The following CDKAL1 variants were observed in gnomAD, a reference collection of about 807,000 sequenced individuals.
CDKAL1 encodes the protein threonylcarbamoyladenosine tRNA methylthiotransferase.
In CDKAL1, 32 loss-of-function variants were observed where a neutral mutation model predicts 68.2. That is an observed-to-expected ratio of 0.47 (90% CI 0.35 to 0.63). The LOEUF (loss-of-function observed/expected upper bound fraction) is 0.63. Ranked by LOEUF, CDKAL1 falls within the 30% of genes least tolerant of loss-of-function variation. The probability of loss-of-function intolerance (pLI) is 0.00; values close to 1 mark genes in which losing one functional copy is unlikely to be tolerated. For missense variants in CDKAL1, 606 were observed against 696.7 expected (o/e 0.87, Z 1.47); for synonymous variants, 234 against 244.3 (o/e 0.96, Z 0.39).
chr6:20,996,345 T>C (rs1456152638), intron 10 of CDKAL1, among the ~76,000 whole-genome samples: 1 of 152,262 alleles, frequency 6.6e-6, no homozygotes, highest in Admixed American at 6.5e-5. Context: ...GCCTAGCTTT[T>C]AACGTGTCTC....
At chr6:20,606,451 A>G (rs923753304) in intron 4 of CDKAL1, among the ~76,000 whole-genome samples, 1 of 152,220 alleles carries the variant, frequency 6.6e-6, no homozygotes, top group African/African-American at 2.4e-5. Context: ...GTTTGTGTCC[A>G]TAGAGAAGCT....
rs11438527 is a variant in CDKAL1 at position 21,023,130 on chromosome 6, AT to A, written c.1055+22770del. Among the ~76,000 whole-genome samples the A allele has an allele frequency of 5.1e-4, 77 of 149,548 alleles. No individual in the cohort carries two copies. The East Asian group carries it at 8.2e-3, about 16-fold the overall frequency. Reference sequence around the variant, plus strand: ...GAAGATAAATGTTTCTCAATTGATAATTTTTTTTTTTTACCATTAGCCTTTG... The same window carrying A: ...GAAGATAAATGTTTCTCAATTGATAATTTTTTTTTTTACCATTAGCCTTTG... On this transcript the variant is annotated intron_variant, in intron 11 of 15. Coordinates refer to ENST00000274695, the MANE Select transcript of CDKAL1 (RefSeq NM_017774.3).
chr6:20,625,835 G>A (rs548139042), intron 4 of CDKAL1, among the ~76,000 whole-genome samples: 1 of 152,188 alleles, frequency 6.6e-6, no homozygotes, highest in South Asian at 2.1e-4. Flanking sequence ...GCCAGATTTT[G>A]TAAGATTGTA....
intron 4 of CDKAL1, among the ~76,000 whole-genome samples, chr6:20,584,980 A>T (rs190547657): frequency 6.7e-6 from 1 of 149,364 alleles, no homozygotes; most frequent in African/African-American, 2.5e-5. Flanking sequence ...TCTCTGTTGG[A>T]TCATTTTCCT....
chr6:21,029,859 G>A (rs567820348), intron 11 of CDKAL1, among the ~76,000 whole-genome samples: 2 of 152,204 alleles, frequency 1.3e-5, no homozygotes, highest in Non-Finnish European at 2.9e-5. Context: ...GGAGGAATAG[G>A]AATGCTTTTA....
intron 10 of CDKAL1, among the ~76,000 whole-genome samples, chr6:20,955,788 A>T (rs1311353311): frequency 6.6e-6 from 1 of 152,128 alleles, no homozygotes; most frequent in East Asian, 1.9e-4. Context: ...TCATTAATTA[A>T]CATTGCCCAA....
At chr6:21,156,875 G>T (rs1354779771) in intron 13 of CDKAL1, among the ~76,000 whole-genome samples, 2 of 152,196 alleles carry the variant, frequency 1.3e-5, no homozygotes, top group African/African-American at 2.4e-5. Flanking sequence ...GTATAAAGTA[G>T]GTAGGAAACA....
chr6:20,620,977 A>C (rs1448928505), intron 4 of CDKAL1, among the ~76,000 whole-genome samples: 1 of 152,082 alleles, frequency 6.6e-6, no homozygotes, highest in Non-Finnish European at 1.5e-5. Context: ...CATCCAGGAC[A>C]CCATATTACA....
At chr6:21,157,029 T>C (rs1284514657) in intron 13 of CDKAL1, among the ~76,000 whole-genome samples, 1 of 152,226 alleles carries the variant, frequency 6.6e-6, no homozygotes, top group Non-Finnish European at 1.5e-5. Flanking sequence ...ATATTCTTTG[T>C]TTCTACTGTG....
chr6:20,817,010 C>T (rs944089736), intron 8 of CDKAL1, among the ~76,000 whole-genome samples: 1 of 152,110 alleles, frequency 6.6e-6, no homozygotes, highest in African/African-American at 2.4e-5. Flanking sequence ...TCTTTGAGGA[C>T]ATTGTGTGTT....
intron 12 of CDKAL1, among the ~76,000 whole-genome samples, chr6:21,079,972 G>GTC (rs1198954577): frequency 2.1e-5 from 3 of 140,516 alleles, no homozygotes; most frequent in African/African-American, 8.0e-5. Context: ...TATCAACTTT[G>GTC]TCTCTGTGTG....
chr6:20,686,080 T>A (rs1187641074), intron 5 of CDKAL1, among the ~76,000 whole-genome samples: 2 of 100,390 alleles, frequency 2.0e-5, no homozygotes, highest in African/African-American at 8.7e-5. Context: ...TTATTTGTTT[T>A]AAGGTTTTTT....
intron 13 of CDKAL1, among the ~76,000 whole-genome samples, chr6:21,170,031 C>T (rs1777317689): frequency 1.3e-5 from 2 of 150,808 alleles, no homozygotes; most frequent in East Asian, 2.0e-4. Context: ...ACAGCCAAAC[C>T]GTATCAGTAG....
chr6:21,009,851 G>A (rs1320604700), intron 11 of CDKAL1, among the ~76,000 whole-genome samples: 1 of 152,204 alleles, frequency 6.6e-6, no homozygotes, highest in African/African-American at 2.4e-5. Flanking sequence ...AAGGGAGGTA[G>A]GTGGTGATGA....
At chr6:20,876,697 G>T (rs926370736) in intron 9 of CDKAL1, among the ~76,000 whole-genome samples, 1 of 152,146 alleles carries the variant, frequency 6.6e-6, no homozygotes, top group Non-Finnish European at 1.5e-5. Flanking sequence ...ACTTGTAACA[G>T]GCAGGCGTAG....
At position 20,853,211 on chromosome 6, in the gene CDKAL1, T is replaced by C. The variant is rs530294104; in HGVS notation, c.742+7033T>C. 3.4e-4 allele frequency among the ~76,000 whole-genome samples: 52 copies of C among 151,638 alleles called. No individual in the cohort carries two copies. The South Asian group carries it at 0.01, about 29-fold the overall frequency. On this transcript the variant is annotated intron_variant, in intron 9 of 15. Coordinates refer to ENST00000274695, the MANE Select transcript of CDKAL1 (RefSeq NM_017774.3). The stretch of plus-strand genomic sequence containing the variant: ...AGGCTGCCACACAGGATGAAACCCC[T>C]TCTCTACTAAAAATACAAAAATTAG...
chr6:21,079,326 T>C (rs1311835417), intron 12 of CDKAL1, among the ~76,000 whole-genome samples: 1 of 152,142 alleles, frequency 6.6e-6, no homozygotes, highest in African/African-American at 2.4e-5. Context: ...TGAGTAGTAG[T>C]GATCTTATGT....
intron 5 of CDKAL1, among the ~76,000 whole-genome samples, chr6:20,709,928 C>T (rs1203960579): frequency 2.0e-5 from 3 of 152,048 alleles, no homozygotes; most frequent in East Asian, 1.9e-4. Context: ...TATTCTCTCC[C>T]GAGTATTGGC....
intron 4 of CDKAL1, among the ~76,000 whole-genome samples, chr6:20,610,911 G>A (rs1162038595): frequency 2.0e-5 from 3 of 152,292 alleles, no homozygotes; most frequent in African/African-American, 4.8e-5. Flanking sequence ...TTGGGCTCAT[G>A]TGATCCTCCT....
Sources: allele counts gnomAD v4.1 joint callset (sites outside exome capture counted in the v4.1 genomes callset), GRCh38; gene constraint gnomAD v4.1.1; transcripts MANE v1.5; gene names NCBI Gene and HGNC (gene_info 2026-07-23, HGNC 2026-07-21).